Variants in KIAA1328 observed in about 807,000 individuals in gnomAD.
The protein encoded by KIAA1328 is protein hinderin.
A neutral mutation model predicts 68.1 loss-of-function variants in KIAA1328; 52 were observed. The observed-to-expected ratio is 0.76, with a 90% CI of 0.61 to 0.96. The LOEUF is 0.96. Among genes scored for constraint, KIAA1328 ranks in the 40% least tolerant of loss-of-function variants. The pLI, the probability that KIAA1328 is intolerant of heterozygous loss-of-function variation, is 0.00. For synonymous variants in KIAA1328, 232 were observed against 239.4 expected, an observed-to-expected ratio of 0.97 and a Z score of 0.28; for missense variants, 641 against 677.6, an observed-to-expected ratio of 0.95 and a Z score of 0.60.
chr18:37,209,404 C>T (rs1040888118), intron 9 of KIAA1328, among the ~76,000 whole-genome samples: 10 of 152,106 alleles, frequency 6.6e-5, no homozygotes, highest in Middle Eastern at 3.4e-3. Flanking sequence ...AAATAAATAA[C>T]GACCCTACCC....
chr18:37,167,576 G>A (rs1157590286), intron 8 of KIAA1328, among the ~76,000 whole-genome samples: 4 of 152,018 alleles, frequency 2.6e-5, no homozygotes, highest in Non-Finnish European at 5.9e-5. Context: ...CCGGTCAATG[G>A]CCTGCCAGTG....
At chr18:37,215,002 G>A (rs2060399064) in intron 9 of KIAA1328, among the ~76,000 whole-genome samples, 2 of 152,200 alleles carry the variant, frequency 1.3e-5, no homozygotes, top group African/African-American at 4.8e-5. Flanking sequence ...CATTGATTTT[G>A]TATCCTGAGA....
chr18:36,987,912 C>A (rs2053011621), intron 6 of KIAA1328, among the ~76,000 whole-genome samples: 1 of 151,964 alleles, frequency 6.6e-6, no homozygotes, highest in Non-Finnish European at 1.5e-5. Flanking sequence ...GTGATCAGAG[C>A]AATTGTCCAG....
chr18:37,185,720 T>TAC (rs34348149), intron 9 of KIAA1328, among the ~76,000 whole-genome samples: 37,087 of 149,454 alleles, frequency 0.25, 6,682 homozygotes, highest in African/African-American at 0.52. Context: ...TACTGATATA[T>TAC]ACACACACAC....
chr18:37,004,893 A>T (rs1013061791), intron 6 of KIAA1328, among the ~76,000 whole-genome samples: 1 of 152,186 alleles, frequency 6.6e-6, no homozygotes, highest in African/African-American at 2.4e-5. Flanking sequence ...ATTGTGATAT[A>T]TGTATGATGG....
chr18:37,195,272 C>A (rs2059982042), intron 9 of KIAA1328, among the ~76,000 whole-genome samples: 1 of 152,160 alleles, frequency 6.6e-6, no homozygotes, highest in Non-Finnish European at 1.5e-5. Flanking sequence ...CCCTTCCTAG[C>A]CTTCACTTTG....
intron 4 of KIAA1328, among the ~76,000 whole-genome samples, chr18:36,855,365 T>C (rs2047348757): frequency 1.3e-5 from 2 of 152,302 alleles, no homozygotes; most frequent in East Asian, 1.9e-4. Context: ...TTAAATGATA[T>C]CTTATTGCAG....
chr18:36,936,957 T>C (rs1037460861), intron 5 of KIAA1328, among the ~76,000 whole-genome samples: 1 of 152,090 alleles, frequency 6.6e-6, no homozygotes, highest in African/African-American at 2.4e-5. Context: ...CTTCAAACTA[T>C]ATACTACAAG....
rs758822898 is a variant in KIAA1328 at position 36,977,768 on chromosome 18, T to TTTTTA, written c.576+18353_576+18357dup. On this transcript the variant is annotated intron_variant, in intron 6 of 9. Coordinates refer to ENST00000280020, the MANE Select transcript of KIAA1328 (RefSeq NM_020776.3). ...ATATAGTCATACTCACTGTGAAGGT[T>TTTTTA]TTTTATTTTATTTTATTTTATTTTT... Among the ~76,000 whole-genome samples the TTTTTA allele has an allele frequency of 1.3e-4, 20 of 152,032 alleles. No homozygotes were observed. In the East Asian group the frequency reaches 2.3e-3, roughly 18 times the overall value.
intron 5 of KIAA1328, among the ~76,000 whole-genome samples, chr18:36,934,742 T>G (rs1010146684): frequency 3.3e-5 from 5 of 152,182 alleles, no homozygotes; most frequent in African/African-American, 1.2e-4. Flanking sequence ...TGAGACTAAC[T>G]TTTACCCTTT....
At chr18:37,106,467 G>A (rs1363732673) in intron 7 of KIAA1328, among the ~76,000 whole-genome samples, 1 of 149,948 alleles carries the variant, frequency 6.7e-6, no homozygotes, top group Non-Finnish European at 1.5e-5. Context: ...CACCCAGGCT[G>A]GAGTGCAGTG....
chr18:37,030,088 T>G (rs887816182), intron 6 of KIAA1328, among the ~76,000 whole-genome samples: 1 of 152,142 alleles, frequency 6.6e-6, no homozygotes, highest in African/African-American at 2.4e-5. Flanking sequence ...TATGCACATC[T>G]ATTTTCTGGA....
At chr18:37,092,761 G>C (rs961324932) in intron 7 of KIAA1328, among the ~76,000 whole-genome samples, 2 of 152,108 alleles carry the variant, frequency 1.3e-5, no homozygotes, top group Non-Finnish European at 1.5e-5. Context: ...CAACACTTAG[G>C]GGCCTGAGGA....
chr18:37,134,463 G>T (rs558641889), intron 7 of KIAA1328, among the ~76,000 whole-genome samples: 1 of 151,834 alleles, frequency 6.6e-6, no homozygotes, highest in East Asian at 1.9e-4. Flanking sequence ...ATGAAAAATT[G>T]CAATATTTCC....
chr18:36,935,317 CCTCTT>C (rs1340142007), intron 5 of KIAA1328, among the ~76,000 whole-genome samples: 1 of 152,114 alleles, frequency 6.6e-6, no homozygotes, highest in Non-Finnish European at 1.5e-5. Flanking sequence ...CTCCCTTTTT[CCTCTT>C]CTCCTTTTAC....
chr18:36,940,867 G>C (rs749141208), intron 5 of KIAA1328, among the ~76,000 whole-genome samples: 5 of 151,736 alleles, frequency 3.3e-5, no homozygotes, highest in Non-Finnish European at 7.4e-5. Flanking sequence ...GTAGAGATGG[G>C]GTTTCACCAT....
intron 6 of KIAA1328, among the ~76,000 whole-genome samples, chr18:36,975,712 G>T (rs570184779): frequency 9.2e-5 from 14 of 152,020 alleles, no homozygotes; most frequent in Non-Finnish European, 1.9e-4. Context: ...CTTGCCAACC[G>T]ATTTTTTAAC....
intron 5 of KIAA1328, among the ~76,000 whole-genome samples, chr18:36,914,853 A>G (rs936260606): frequency 6.6e-6 from 1 of 152,214 alleles, no homozygotes; most frequent in South Asian, 2.1e-4. Flanking sequence ...TCAAAATGAA[A>G]CAGGTATTAA....
At chr18:37,174,176 G>A (rs150865876) in intron 9 of KIAA1328, among the ~76,000 whole-genome samples, 1 of 151,978 alleles carries the variant, frequency 6.6e-6, no homozygotes, top group Admixed American at 6.6e-5. Flanking sequence ...TTTAAAATTA[G>A]GAAACTAAAG....
Sources: allele counts gnomAD v4.1 joint callset (sites outside exome capture counted in the v4.1 genomes callset), GRCh38; gene constraint gnomAD v4.1.1; transcripts MANE v1.5; gene names NCBI Gene and HGNC (gene_info 2026-07-23, HGNC 2026-07-21).